FPR3: variants seen among roughly 807,000 people sequenced by gnomAD.
FPR3 encodes formyl peptide receptor 3, also known as N-formyl peptide receptor 3.
For missense variants in FPR3, 346 were observed against 443.2 expected (o/e 0.78, Z 1.97); for synonymous variants, 135 against 163.6 (o/e 0.83, Z 1.34).
intron 1 of FPR3, among the ~76,000 whole-genome samples, chr19:51,807,362 T>C (rs1385677516): frequency 6.6e-6 from 1 of 152,190 alleles, no homozygotes; most frequent in Non-Finnish European, 1.5e-5. Flanking sequence ...CACAAACCTT[T>C]TGGTGGCAGC....
At chr19:51,813,583 T>G (rs1026386254) in intron 1 of FPR3, among the ~76,000 whole-genome samples, 2 of 151,782 alleles carry the variant, frequency 1.3e-5, no homozygotes, top group African/African-American at 4.8e-5. Flanking sequence ...TAGGCTGGAG[T>G]GCAGTGGCGT....
intron 1 of FPR3, among the ~76,000 whole-genome samples, chr19:51,813,388 T>C (rs1568429996): frequency 6.6e-6 from 1 of 152,122 alleles, no homozygotes; most frequent in Non-Finnish European, 1.5e-5. Flanking sequence ...TACCATCACC[T>C]TGGTATGAGC....
chr19:51,804,766 A>C (rs1024939721), intron 1 of FPR3: 1 of 152,208 alleles, frequency 6.6e-6, no homozygotes, highest in Non-Finnish European at 1.5e-5. Context: ...GGTGGACTGA[A>C]CAAAGGGGGG....
chr19:51,817,527 T>A (rs77253816), intron 1 of FPR3, among the ~76,000 whole-genome samples: 14 of 151,698 alleles, frequency 9.2e-5, no homozygotes, highest in South Asian at 4.2e-4. Flanking sequence ...TTTTTTTTTT[T>A]AAATTATTGT....
intron 1 of FPR3, among the ~76,000 whole-genome samples, chr19:51,813,119 A>AACACACAC (rs35245083): frequency 0.01 from 1,425 of 137,178 alleles, 25 homozygotes; most frequent in Admixed American, 0.051. Context: ...GCTCTGTCTC[A>AACACACAC]ACACACACAC....
At chr19:51,803,737 C>A (rs566151622) in intron 1 of FPR3, 1 of 152,294 alleles carries the variant, frequency 6.6e-6, no homozygotes, top group African/African-American at 2.4e-5. Flanking sequence ...AGAGCCAGGG[C>A]TTCCAGATGG....
intron 1 of FPR3, among the ~76,000 whole-genome samples, chr19:51,816,409 G>C (rs940209663): frequency 6.6e-6 from 1 of 152,044 alleles, no homozygotes; most frequent in Non-Finnish European, 1.5e-5. Context: ...CACTACACCC[G>C]GTTAATTTTT....
rs746279537 is a variant in FPR3 at position 51,824,013 on chromosome 19, G to C, written c.265G>C (p.Glu89Gln). The C allele has an allele frequency of 1.2e-6, 2 of 1,614,070 alleles. No homozygotes were observed. Among genetic ancestry groups the C allele is most frequent in the East Asian group, 4.5e-5 (2 of 44,870 alleles). The change falls in exon 2 of 2, where the codon GAA becomes CAA. Residue 89 changes from glutamate (E) to glutamine (Q), a missense_variant. Coordinates refer to ENST00000339223, the MANE Select transcript of FPR3 (RefSeq NM_002030.5). The surrounding 1 kb of genome is among the most constrained non-coding windows in gnomAD (Gnocchi z 4.7). ...PFRMVSVAMR[E>Q]KWPFGSFLCK... ...CCGAATGGTCTCAGTCGCCATGAGAGAAAAATGGCCTTTTGGCTCATTCCT... is the reference window on the plus strand; with the variant it reads ...CCGAATGGTCTCAGTCGCCATGAGACAAAAATGGCCTTTTGGCTCATTCCT...
At chr19:51,811,421 A>G (rs571283593) in intron 1 of FPR3, 6 of 152,286 alleles carry the variant, frequency 3.9e-5, no homozygotes, top group Admixed American at 1.3e-4. Flanking sequence ...AAAACTTCCC[A>G]TTCCCAGTAC....
rs1361472024 is a variant in FPR3, at chr19:51,795,501, A to ATT, written c.-11+171_-11+172dup. ...TAATTTGGTTACATGTTCCAGTAAC[A>ATT]TTCTTTTTTTTTTTTTTTTTTTTTT... On this transcript the variant is annotated intron_variant, in intron 1 of 1. Coordinates refer to ENST00000339223, the MANE Select transcript of FPR3 (RefSeq NM_002030.5). Among the ~76,000 whole-genome samples, 261 of 77,034 alleles carry ATT rather than the reference A, an allele frequency of 3.4e-3. 21 individuals are homozygous for ATT. The highest frequency in any genetic ancestry group is 7.1e-3 in the African/African-American group (120 of 16,798). The allele number at this position is 77,034 out of a possible 152,430, so 50.5% of individuals were successfully genotyped here.
In FPR3 at chr19:51,811,063, G is replaced by A. The variant is rs897428976; in HGVS notation, c.-10-12676G>A. On this transcript the variant is annotated intron_variant, in intron 1 of 1. Coordinates refer to ENST00000339223, the MANE Select transcript of FPR3 (RefSeq NM_002030.5). ...TTATTTTCATCTGGAGCTGTGAGTG[G>A]GACAACAGATTCTTTCAGATTTTTA... is the stretch of plus-strand genomic sequence containing the variant. 4.0e-5 allele frequency among the ~76,000 whole-genome samples: 6 copies of A among 151,868 alleles called. No individual in the cohort carries two copies. In the South Asian group the frequency reaches 6.3e-4, roughly 16 times the overall value.
intron 1 of FPR3, among the ~76,000 whole-genome samples, chr19:51,800,610 T>C (rs1271278743): frequency 6.6e-6 from 1 of 152,200 alleles, no homozygotes; most frequent in Non-Finnish European, 1.5e-5. Flanking sequence ...GATAAGGATG[T>C]TCGTGTGCCT....
intron 1 of FPR3, among the ~76,000 whole-genome samples, chr19:51,797,823 G>C (rs969262327): frequency 7.0e-6 from 1 of 141,908 alleles, no homozygotes; most frequent in Non-Finnish European, 1.5e-5. Context: ...AGGGCTAAGA[G>C]TTCTAATTTG....
intron 1 of FPR3, among the ~76,000 whole-genome samples, chr19:51,799,997 T>C (rs1383187438): frequency 6.6e-6 from 1 of 152,226 alleles, no homozygotes; most frequent in Non-Finnish European, 1.5e-5. Context: ...GATAGGGCCA[T>C]GGGCCACCAG....
At chr19:51,821,146 T>C (rs1330237917) in intron 1 of FPR3, among the ~76,000 whole-genome samples, 1 of 152,180 alleles carries the variant, frequency 6.6e-6, no homozygotes, top group African/African-American at 2.4e-5. Context: ...CAGTCTCACT[T>C]AATCCTCACC....
intron 1 of FPR3, among the ~76,000 whole-genome samples, chr19:51,800,268 G>GAAAGA (rs2084020815): frequency 6.6e-6 from 1 of 152,204 alleles, no homozygotes; most frequent in Non-Finnish European, 1.5e-5. Flanking sequence ...GGTCACCCTG[G>GAAAGA]AAAGAAAAGC....
intron 1 of FPR3, among the ~76,000 whole-genome samples, chr19:51,822,798 T>A (rs2084200239): frequency 6.6e-6 from 1 of 151,918 alleles, no homozygotes; most frequent in Admixed American, 6.6e-5. Context: ...CGGGAGAAAG[T>A]AAATATAGGG....
chr19:51,797,907 G>C (rs1479192948), intron 1 of FPR3, among the ~76,000 whole-genome samples: 1 of 43,640 alleles, frequency 2.3e-5, no homozygotes, highest in African/African-American at 1.0e-4. Flanking sequence ...TTTTGAGACG[G>C]AGTCTCGCTC....
At chr19:51,802,121 T>C (rs988507981) in intron 1 of FPR3, among the ~76,000 whole-genome samples, 1 of 152,048 alleles carries the variant, frequency 6.6e-6, no homozygotes, top group South Asian at 2.1e-4. Flanking sequence ...AAATTTATTA[T>C]ATAAAACCGA....
Sources: gnomAD v4.1 joint callset for allele counts (sites outside exome capture counted in the v4.1 genomes callset) on GRCh38, gnomAD v4.1.1 for gene constraint, Gnocchi (gnomAD v3.1) non-coding constraint, MANE v1.5 for transcripts, NCBI Gene and HGNC (gene_info 2026-07-23, HGNC 2026-07-21) for gene names.